IGFN1: variants seen among roughly 807,000 people sequenced by gnomAD.
IGFN1 encodes the protein immunoglobulin-like and fibronectin type III domain-containing protein 1.
A neutral mutation model predicts 289.5 loss-of-function variants in IGFN1; 253 were observed. That is an observed-to-expected ratio of 0.87 (90% confidence interval 0.79 to 0.97). IGFN1 has a LOEUF of 0.97. Among genes scored for constraint, IGFN1 ranks in the 50% least tolerant of loss-of-function variants. IGFN1 has a pLI of 0.00. For synonymous variants in IGFN1, 1,706 were observed against 1,788.5 expected (o/e 0.95, Z 1.16); for missense variants, 4,470 against 4,686.1 (o/e 0.95, Z 1.35).
chr1:201,212,812 A>G lies in IGFN1; in HGVS notation c.7919A>G (p.Asp2640Gly). Residue 2640 changes from aspartate (D) to glycine (G), a missense_variant, in exon 12 of 24, where the codon GAT (aspartate) becomes GGT (glycine). Transcript: ENST00000335211. The part of the protein sequence containing the change: ...ENQGFSQGSI[D>G]AGKQPAGSRA... ...CAGGGGTTTAGCCAAGGCAGCATAG[A>G]TGCTGGGAAGCAGCCCGCAGGCTCC... 1 of 1,551,390 alleles carries G rather than the reference A, an allele frequency of 6.4e-7. No individual in the cohort carries two copies. Among genetic ancestry groups the G allele is most frequent in the Non-Finnish European group, 8.7e-7 (1 of 1,146,884 alleles).
In IGFN1 at chr1:201,213,402, G is replaced by A. The variant is rs759874975; in HGVS notation, c.8509G>A (p.Glu2837Lys). Residue 2837 changes from glutamate (E) to lysine (K), a missense_variant, in exon 12 of 24, where the codon GAG (glutamate) becomes AAG (lysine). This residue lies in a region of IGFN1 where 2,218 missense variants were observed against 2,114.1 expected (regional missense o/e 1.05). Transcript: ENST00000335211. ...VGGGKRRGADEAGSMGWQPMG... is the reference protein window; with the variant it reads ...VGGGKRRGADKAGSMGWQPMG... ...AGGAGGAAAGAGAAGGGGAGCAGAC[G>A]AGGCTGGAAGCATGGGGTGGCAGCC... The A allele has an allele frequency of 7.4e-6, 12 of 1,613,870 alleles. No individual in the cohort carries two copies. The highest frequency in any genetic ancestry group is 4.5e-5 in the East Asian group (2 of 44,892).
intron 1 of IGFN1, among the ~76,000 whole-genome samples, chr1:201,192,139 C>G (rs1369736091): frequency 6.6e-6 from 1 of 152,242 alleles, no homozygotes; most frequent in Admixed American, 6.5e-5. Context: ...AGTTGGCGTA[C>G]CATGGCATTC....
Position 201,209,456 on chromosome 1 carries a change from A to G in IGFN1, c.4563A>G (p.Glu1521=), listed in dbSNP as rs1351509256. ...ATAGGGGTGGCTTAGGTTCTGGGGAAATGGGGTCTGTGGATAAGGCAGGCT... is the reference window on the plus strand; with the variant it reads ...ATAGGGGTGGCTTAGGTTCTGGGGAGATGGGGTCTGTGGATAAGGCAGGCT... The part of the protein sequence containing the change: ...AGYRGGLGSG[E]MGSVDKAGYR... The change falls in exon 12 of 24, where the codon GAA becomes GAG. Residue 1521 remains glutamate (E), a synonymous_variant. Coordinates refer to ENST00000335211, the MANE Select transcript of IGFN1 (RefSeq NM_001164586.2). The G allele has an allele frequency of 2.0e-6, 3 of 1,536,330 alleles. No individual in the cohort carries two copies. The highest frequency in any genetic ancestry group is 2.6e-6 in the Non-Finnish European group (3 of 1,146,654).
rs1287037700 is a variant in IGFN1 at position 201,211,852 on chromosome 1, C to A, written c.6959C>A (p.Ala2320Glu). ...GGGTACATTTTGTCATGGAATGAGG[C>A]AGGTTCTAGGCAAGGCTTTGGGGGA... ...DSGYILSWNE[A>E]GSRQGFGGTS... Residue 2320 changes from alanine (A) to glutamate (E), a missense_variant, in exon 12 of 24, where the codon GCA (alanine) becomes GAA (glutamate). Physicochemically the swap from Ala to Glu is moderately radical, Grantham distance 107 (BLOSUM62 -1). Coordinates refer to ENST00000335211, the MANE Select transcript of IGFN1 (RefSeq NM_001164586.2). The A allele has an allele frequency of 2.0e-6, 3 of 1,535,646 alleles. No homozygotes were observed. The highest frequency in any genetic ancestry group is 4.9e-5 in the East Asian group (2 of 40,904).
At chr1:201,192,316 C>A (rs181427336) in intron 1 of IGFN1, among the ~76,000 whole-genome samples, 1 of 152,130 alleles carries the variant, frequency 6.6e-6, no homozygotes, top group African/African-American at 2.4e-5. Context: ...AAATGGAGTC[C>A]CCAAAATGGA....
In IGFN1 at chr1:201,226,894, T is replaced by C. The variant is rs1654131685; in HGVS notation, c.10799T>C (p.Val3600Ala). 6.3e-7 allele frequency: 1 copy of C among 1,589,018 alleles called. No homozygotes were observed. The highest frequency in any genetic ancestry group is 1.7e-5 in the Admixed American group (1 of 57,890). Residue 3600 changes from valine to alanine, a missense_variant, in exon 23 of 24, where the codon GTG (valine) becomes GCG (alanine). By Grantham distance (64) the Val-to-Ala change is moderately conservative (BLOSUM62 0). Around this residue, in one of 8 missense-constraint regions of IGFN1, gnomAD observed 2,218 missense variants for 2,114.1 expected, o/e 1.05. Coordinates refer to ENST00000335211, the MANE Select transcript of IGFN1 (RefSeq NM_001164586.2). ...CIPRQRDRFT[V>A]KAPCYREPDL... Reference sequence around the variant, plus strand: ...GCTTTCACCACAGACAGGTTCACAGTGAAGGCTCCGTGCTACCGGGAGCCC... The same window carrying C: ...GCTTTCACCACAGACAGGTTCACAGCGAAGGCTCCGTGCTACCGGGAGCCC...
chr1:201,224,692 C>T lies in IGFN1; in HGVS notation c.10304C>T (p.Pro3435Leu), dbSNP rs745622198. ...VPVSFEAMPM[P>L]EVTWLKDGLP... ...CTCCTTTCTCAGGCCATGCCCATGC[C>T]TGAGGTGACCTGGCTGAAGGATGGC... is the stretch of plus-strand genomic sequence containing the variant. Residue 3435 changes from proline to leucine, a missense_variant, in exon 21 of 24, where the codon CCT becomes CTT. By Grantham distance (98) the Pro-to-Leu change is moderately conservative. Transcript: ENST00000335211. 1 of 1,614,110 alleles carries T rather than the reference C, an allele frequency of 6.2e-7. No individual in the cohort carries two copies. The highest frequency in any genetic ancestry group is 8.5e-7 in the Non-Finnish European group (1 of 1,179,968).
chr1:201,208,663 G>A lies in IGFN1; in HGVS notation c.3770G>A (p.Gly1257Glu), dbSNP rs547959366. 10 of 1,536,444 alleles carry A rather than the reference G, an allele frequency of 6.5e-6. No individual in the cohort carries two copies. Among genetic ancestry groups the A allele is most frequent in the African/African-American group, 2.7e-5 (2 of 73,098 alleles). Residue 1257 changes from glycine to glutamate, a missense_variant, in exon 12 of 24, where the codon GGA (glycine) becomes GAA (glutamate). Transcript: ENST00000335211. ...GGEAGFRDGS[G>E]GLQGMGSADG... ...GAGGCAGGCTTTAGAGATGGTTCAG[G>A]AGGCCTCCAAGGAATGGGATCAGCA...
At position 201,215,519 on chromosome 1, in the gene IGFN1, C is replaced by G; in HGVS notation, c.8996-20C>G. On this transcript the variant is annotated intron_variant, in intron 14 of 23. Coordinates refer to ENST00000335211, the MANE Select transcript of IGFN1 (RefSeq NM_001164586.2). ...TGCCCAGTGCCCTGGTCTTCCTTGA[C>G]TCTCTTGTTTTATTTCTAGATTCCC... The G allele has an allele frequency of 6.5e-7, 1 of 1,534,914 alleles. No individual in the cohort carries two copies. The highest frequency in any genetic ancestry group is 2.3e-5 in the East Asian group (1 of 44,024).
At chr1:201,205,026 A>G (rs1667338332) in intron 10 of IGFN1, 56 bp from the exon 11 acceptor site, 2 of 1,470,812 alleles carry the variant, frequency 1.4e-6, no homozygotes, top group East Asian at 5.0e-5. Flanking sequence ...TTGCTGCCTT[A>G]GGTCACACTG....
chr1:201,207,225 C>T lies in IGFN1; in HGVS notation c.2332C>T (p.Pro778Ser). 1.3e-6 allele frequency: 2 copies of T among 1,536,666 alleles called. No homozygotes were observed. Among genetic ancestry groups the T allele is most frequent in the Non-Finnish European group, 1.7e-6 (2 of 1,146,842 alleles). The change falls in exon 12 of 24, where the codon CCA becomes TCA. Residue 778 changes from proline (P) to serine (S), a missense_variant. Coordinates refer to ENST00000335211, the MANE Select transcript of IGFN1 (RefSeq NM_001164586.2). ...TGCCTACAAAACTGGCCCTGGAGGC[C>T]CAGGAGACCCCAGAGGCTGCGAAGG... ...GSAYKTGPGG[P>S]GDPRGCEGVL...
At chr1:201,220,047 TTCTC>T (rs556190163) in intron 18 of IGFN1, among the ~76,000 whole-genome samples, 1 of 108,890 alleles carries the variant, frequency 9.2e-6, no homozygotes, top group Non-Finnish European at 1.8e-5. Flanking sequence ...TCTTCTTTCT[TTCTC>T]TTTCTGTTCT....
intron 15 of IGFN1, chr1:201,216,078 A>G (rs1324857634): frequency 9.9e-6 from 7 of 704,938 alleles, no homozygotes; most frequent in Admixed American, 6.0e-5. Context: ...TCTGACCCCA[A>G]TACACTGGGC....
chr1:201,211,615 A>T lies in IGFN1; in HGVS notation c.6722A>T (p.Glu2241Val), dbSNP rs762034143. The T allele has an allele frequency of 9.8e-6, 15 of 1,535,368 alleles. No individual in the cohort carries two copies. In the South Asian group the frequency reaches 1.8e-4, roughly 18 times the overall value. ...GFRDGLGSSG[E>V]MGSMDEADYR... ...AGGGATGGTTTAGGGAGTTCTGGGG[A>T]AATGGGGTCAATGGATGAGGCAGAT... Residue 2241 changes from glutamate (E) to valine (V), a missense_variant, in exon 12 of 24, where the codon GAA becomes GTA. Around this residue, in one of 8 missense-constraint regions of IGFN1, gnomAD observed 2,218 missense variants for 2,114.1 expected, o/e 1.05. Transcript: ENST00000335211.
chr1:201,201,082 C>T (rs1424525528), intron 8 of IGFN1, among the ~76,000 whole-genome samples: 5 of 152,090 alleles, frequency 3.3e-5, no homozygotes, highest in East Asian at 1.9e-4. Flanking sequence ...CCGCCTGCCT[C>T]GGCCTCCCAA....
chr1:201,198,676 C>T (rs925148976), intron 5 of IGFN1, among the ~76,000 whole-genome samples: 2 of 152,152 alleles, frequency 1.3e-5, no homozygotes, highest in South Asian at 4.1e-4. Flanking sequence ...ATCCTCCCCC[C>T]TCGGCCTCCC....
chr1:201,213,095 TCA>T lies in IGFN1; in HGVS notation c.8203_8204del (p.Gln2735GlyfsTer16). 2.6e-6 allele frequency: 4 copies of T among 1,551,590 alleles called. No homozygotes were observed. Among genetic ancestry groups the T allele is most frequent in the Non-Finnish European group, 1.7e-6 (2 of 1,146,970 alleles). ...CCCCAAAACCTGGGGAGTCCGGACC[TCA>T]GGGAGCCTGGAATGGCTTAGATGGT... ...LTPKPGESGPQGAWNGLDGPF... is the reference protein window; with the variant it reads ...LTPKPGESGPXGAWNGLDGPF... On this transcript the variant is annotated frameshift_variant, in exon 12 of 24. Transcript: ENST00000335211. LOFTEE classifies it high-confidence loss of function.
At position 201,200,324 on chromosome 1, in the gene IGFN1, C is replaced by T; in HGVS notation, c.546C>T (p.Ile182=). 1 of 1,551,742 alleles carries T rather than the reference C, an allele frequency of 6.4e-7. No individual in the cohort carries two copies. The highest frequency in any genetic ancestry group is 8.7e-7 in the Non-Finnish European group (1 of 1,146,992). The change falls in exon 8 of 24, where the codon ATC becomes ATT. Residue 182 remains isoleucine, a synonymous_variant. Coordinates refer to ENST00000335211, the MANE Select transcript of IGFN1 (RefSeq NM_001164586.2). ...CAGACAGGAAGGACTACGAGAAGATCTGCTTGAAGTATGGCATCGTCGACT... is the reference window on the plus strand; with the variant it reads ...CAGACAGGAAGGACTACGAGAAGATTTGCTTGAAGTATGGCATCGTCGACT... ...MTADRKDYEK[I]CLKYGIVDYR... is the part of the protein sequence containing the mutation.
At chr1:201,200,481 C>CTA in intron 8 of IGFN1, 70 bp downstream of exon 8, 2 of 1,298,610 alleles carry the variant, frequency 1.5e-6, no homozygotes, top group Non-Finnish European at 2.2e-6. Flanking sequence ...TGCCTCACAC[C>CTA]TGGAGGTGGG....
Sources: allele counts gnomAD v4.1 joint callset (sites outside exome capture counted in the v4.1 genomes callset), GRCh38; gene constraint gnomAD v4.1.1; regional missense constraint gnomAD v4.1.1; transcripts MANE v1.5; gene names NCBI Gene and HGNC (gene_info 2026-07-23, HGNC 2026-07-21).